The following NTM variants were observed in gnomAD, a reference collection of about 807,000 sequenced individuals.
NTM encodes neurotrimin, also known as IgLON family member 2.
A neutral mutation model predicts 42.1 loss-of-function variants in NTM; 13 were observed. The ratio of observed to expected loss-of-function variants is 0.31; its 90% CI spans 0.20 to 0.49. NTM has a LOEUF of 0.49. Among genes scored for constraint, NTM ranks in the 20% least tolerant of loss-of-function variants. NTM has a pLI of 0.99. For synonymous variants in NTM, 187 were observed against 179.2 expected, an observed-to-expected ratio of 1.04 and a Z score of -0.35; for missense variants, 373 against 452.8, an observed-to-expected ratio of 0.82 and a Z score of 1.60.
intron 8 of NTM, among the ~76,000 whole-genome samples, chr11:132,331,630 C>T (rs1329106795): frequency 3.3e-5 from 5 of 152,290 alleles, no homozygotes; most frequent in Non-Finnish European, 7.3e-5. Context: ...ACAGACTCTG[C>T]TCTTAAGGAA....
chr11:132,320,172 C>G (rs189591297), intron 7 of NTM, among the ~76,000 whole-genome samples: 2 of 152,120 alleles, frequency 1.3e-5, no homozygotes, highest in African/African-American at 2.4e-5. Flanking sequence ...GGATAAAAGC[C>G]GCAAGATGGC....
intron 2 of NTM, among the ~76,000 whole-genome samples, chr11:132,053,733 G>T (rs1313155794): frequency 6.6e-6 from 1 of 152,176 alleles, no homozygotes; most frequent in Non-Finnish European, 1.5e-5. Context: ...GATTTATCTT[G>T]TTTGTTCCAT....
At chr11:131,422,778 A>G (rs1167755884) in intron 1 of NTM, among the ~76,000 whole-genome samples, 2 of 152,316 alleles carry the variant, frequency 1.3e-5, no homozygotes, top group African/African-American at 4.8e-5. Flanking sequence ...CCTACACTTC[A>G]AATCCACTTG....
intron 2 of NTM, among the ~76,000 whole-genome samples, chr11:132,141,295 T>G (rs1210797957): frequency 6.6e-6 from 1 of 151,938 alleles, no homozygotes; most frequent in Non-Finnish European, 1.5e-5. Flanking sequence ...TCTCTTTCTC[T>G]TTTCTCATCC....
At chr11:131,680,393 G>GTGTGCGTCTGTGTAGGCA (rs1592511625) in intron 1 of NTM, among the ~76,000 whole-genome samples, 1 of 152,182 alleles carries the variant, frequency 6.6e-6, no homozygotes, top group Non-Finnish European at 1.5e-5. Context: ...GTGCCTGTGT[G>GTGTGCGTCTGTGTAGGCA]TGTGTGCGTC....
intron 2 of NTM, among the ~76,000 whole-genome samples, chr11:132,066,692 A>G (rs1479083701): frequency 1.3e-5 from 2 of 152,086 alleles, no homozygotes; most frequent in East Asian, 1.9e-4. Flanking sequence ...CAAGGCCAAC[A>G]TTTTCAAATT....
intron 1 of NTM, among the ~76,000 whole-genome samples, chr11:131,667,656 C>T (rs1276127144): frequency 3.3e-5 from 5 of 152,202 alleles, no homozygotes; most frequent in African/African-American, 9.6e-5. Flanking sequence ...AAGTGTTCAG[C>T]CTCGTGCTTC....
chr11:131,814,554 A>T (rs2092869829), intron 1 of NTM, among the ~76,000 whole-genome samples: 1 of 152,232 alleles, frequency 6.6e-6, no homozygotes, highest in Non-Finnish European at 1.5e-5. Flanking sequence ...GGAAAAAAAA[A>T]TAAAAGAAAG....
rs929015040 is a variant in NTM at position 132,002,242 on chromosome 11, G to A, written c.167+90594G>A. ...AGGGAAGTGACTTGGTATTTGGCTG[G>A]ACTTGTCTTGTGAGCTATTTGTGGC... On this transcript the variant is annotated intron_variant, in intron 2 of 8. Coordinates refer to ENST00000683400, the MANE Select transcript of NTM (RefSeq NM_001352005.2). This position sits in a 1 kb window ranked among gnomAD's most constrained non-coding sequence, Gnocchi z 4.5. Among the ~76,000 whole-genome samples the A allele has an allele frequency of 1.3e-5, 2 of 152,200 alleles. No homozygotes were observed. Among genetic ancestry groups the A allele is most frequent in the African/African-American group, 4.8e-5 (2 of 41,448 alleles).
chr11:132,089,326 T>C (rs1340537674), intron 2 of NTM, among the ~76,000 whole-genome samples: 1 of 152,210 alleles, frequency 6.6e-6, no homozygotes, highest in Admixed American at 6.5e-5. Flanking sequence ...CAAAGCCTTG[T>C]TTCAATTCTT....
chr11:132,092,039 T>C (rs2060437671), intron 2 of NTM, among the ~76,000 whole-genome samples: 1 of 152,190 alleles, frequency 6.6e-6, no homozygotes, highest in South Asian at 2.1e-4. Context: ...AGAAAAGCTA[T>C]TCCACCCAAA....
At chr11:131,949,825 G>A (rs2060778839) in intron 2 of NTM, among the ~76,000 whole-genome samples, 1 of 152,122 alleles carries the variant, frequency 6.6e-6, no homozygotes, top group Non-Finnish European at 1.5e-5. Context: ...GCTGATGTTG[G>A]ATGGACATTT....
At chr11:131,459,136 G>C (rs1435582068) in intron 1 of NTM, among the ~76,000 whole-genome samples, 1 of 152,222 alleles carries the variant, frequency 6.6e-6, no homozygotes, top group Non-Finnish European at 1.5e-5. Context: ...CCCACATGGG[G>C]GTGCAGACAT....
At chr11:132,314,489 C>G in intron 6 of NTM, 63 bp from the exon 7 acceptor site, 1 of 1,530,146 alleles carries the variant, frequency 6.5e-7, no homozygotes, top group Non-Finnish European at 8.8e-7. Context: ...CTGGGCCTAT[C>G]TTCTTCCTAT....
At chr11:131,914,402 G>C (rs1004556051) in intron 2 of NTM, among the ~76,000 whole-genome samples, 1 of 152,100 alleles carries the variant, frequency 6.6e-6, no homozygotes, top group African/African-American at 2.4e-5. Flanking sequence ...CTCTGGCCTG[G>C]AGGGCCGCCA....
chr11:131,912,734 G>C (rs2055429710), intron 2 of NTM, among the ~76,000 whole-genome samples: 1 of 152,184 alleles, frequency 6.6e-6, no homozygotes, highest in African/African-American at 2.4e-5. Context: ...CAATATTCCT[G>C]TCCTTTGCAC....
chr11:131,725,472 A>G (rs1055678992), intron 1 of NTM, among the ~76,000 whole-genome samples: 1 of 152,078 alleles, frequency 6.6e-6, no homozygotes, highest in Admixed American at 6.5e-5. Flanking sequence ...GGCTCCAGAG[A>G]AGAAATGACT....
intron 1 of NTM, among the ~76,000 whole-genome samples, chr11:131,728,407 A>G (rs1053058319): frequency 6.6e-6 from 1 of 152,210 alleles, no homozygotes; most frequent in Non-Finnish European, 1.5e-5. Context: ...TATAAAGGGT[A>G]TTGCAAAGGA....
At chr11:132,070,156 AC>A (rs2057312197) in intron 2 of NTM, among the ~76,000 whole-genome samples, 1 of 147,442 alleles carries the variant, frequency 6.8e-6, no homozygotes, top group South Asian at 2.2e-4. Flanking sequence ...AACACGTCAA[AC>A]TGACCGTCAC....
Sources: allele counts gnomAD v4.1 joint callset (sites outside exome capture counted in the v4.1 genomes callset), GRCh38; gene constraint gnomAD v4.1.1; non-coding constraint Gnocchi (gnomAD v3.1); transcripts MANE v1.5; gene names NCBI Gene and HGNC (gene_info 2026-07-23, HGNC 2026-07-21).